TMEM232: variants seen among roughly 807,000 people sequenced by gnomAD.
TMEM232 encodes the protein transmembrane protein 232.
Under a neutral mutation model 78.8 loss-of-function variants are expected in TMEM232, and 80 were observed. That is an observed-to-expected ratio of 1.01 (90% CI 0.85 to 1.22). TMEM232 has a LOEUF of 1.22. Among genes scored for constraint, TMEM232 ranks in the 50% most tolerant of loss-of-function variants. TMEM232 has a pLI of 0.00. For missense variants in TMEM232, 881 were observed against 742.2 expected, an observed-to-expected ratio of 1.19 and a Z score of -2.17; for synonymous variants, 297 against 254.3, an observed-to-expected ratio of 1.17 and a Z score of -1.60.
intron 10 of TMEM232, among the ~76,000 whole-genome samples, chr5:110,596,615 G>A (rs1478842507): frequency 1.1e-4 from 16 of 152,052 alleles, no homozygotes; most frequent in African/African-American, 2.2e-4. Context: ...AAAATCCTCA[G>A]TAAAATACTG....
chr5:110,712,373 T>C (rs139641534), intron 1 of TMEM232, among the ~76,000 whole-genome samples: 1,841 of 151,980 alleles, frequency 0.012, 44 homozygotes, highest in African/African-American at 0.042. Context: ...CCAGAATATA[T>C]ATGGAGCTCA....
At chr5:110,660,552 A>C (rs1290199998) in intron 2 of TMEM232, among the ~76,000 whole-genome samples, 1 of 152,196 alleles carries the variant, frequency 6.6e-6, no homozygotes. Context: ...AACACTGATT[A>C]CTTAAAATGG....
At chr5:110,396,981 C>T (rs971677692) in intron 3 of TMEM232, among the ~76,000 whole-genome samples, 7 of 152,130 alleles carry the variant, frequency 4.6e-5, no homozygotes, top group Non-Finnish European at 1.0e-4. Context: ...AGGTTATCTA[C>T]TCAGACAACT....
intron 1 of TMEM232, among the ~76,000 whole-genome samples, chr5:110,685,661 T>C (rs540997557): frequency 9.2e-5 from 14 of 152,210 alleles, no homozygotes; most frequent in South Asian, 4.1e-4. Flanking sequence ...CCCAAAGCAA[T>C]GAAAACACTG....
chr5:110,416,961 T>G (rs1756239268), downstream of TMEM232, among the ~76,000 whole-genome samples: 2 of 152,230 alleles, frequency 1.3e-5, no homozygotes, highest in Admixed American at 1.3e-4. Flanking sequence ...ATGTTCATGC[T>G]TCTGTTACTC....
Position 110,420,348 on chromosome 5 carries a change from T to C in TMEM232, c.*232A>G, listed in dbSNP as rs1005848832. ...ATACTAGATGTAGTCTTGGAAATTT[T>C]TGACTAGTGAAATCACTTCATTCAA... On this transcript the variant is annotated 3_prime_UTR_variant, in exon 14 of 14. Transcript: ENST00000455884. 2.3e-5 allele frequency: 8 copies of C among 343,002 alleles called. No individual in the cohort carries two copies. The highest frequency in any genetic ancestry group is 3.6e-5 in the Non-Finnish European group (7 of 193,086). The allele number at this position is 343,002 out of a possible 1,614,324, so 21.2% of individuals were successfully genotyped here. A position where few individuals can be genotyped will look rare whatever the true frequency, so the allele number is the denominator to read the frequency against.
At chr5:110,483,150 GATA>G (rs1345634726) in intron 12 of TMEM232, among the ~76,000 whole-genome samples, 2 of 152,048 alleles carry the variant, frequency 1.3e-5, no homozygotes, top group Non-Finnish European at 2.9e-5. Context: ...AAATTTACAT[GATA>G]ATAACAGCAC....
chr5:110,587,689 ATATGTGTGTGTG>A (rs1458893225), intron 10 of TMEM232, among the ~76,000 whole-genome samples: 654 of 53,138 alleles, frequency 0.012, 1 homozygote, highest in African/African-American at 0.042. Context: ...ATATATATAT[ATATGTGTGTGTG>A]TGTGTGTGTG....
intron 4 of TMEM232, among the ~76,000 whole-genome samples, chr5:110,388,656 C>A (rs1580535707): frequency 6.6e-6 from 1 of 152,298 alleles, no homozygotes; most frequent in East Asian, 1.9e-4. Context: ...CAGGAAGCTT[C>A]TTTATTTCCC....
intron 12 of TMEM232, among the ~76,000 whole-genome samples, chr5:110,480,630 T>C (rs1225189781): frequency 5.3e-5 from 8 of 152,096 alleles, no homozygotes; most frequent in Non-Finnish European, 1.2e-4. Flanking sequence ...TGTTGGGAAC[T>C]GTGTGTTTGA....
intron 4 of TMEM232, among the ~76,000 whole-genome samples, chr5:110,388,874 A>T (rs1404409734): frequency 6.6e-6 from 1 of 152,170 alleles, no homozygotes. Flanking sequence ...TATTTTAAGG[A>T]TGACAGTCAT....
chr5:110,552,383 A>C (rs1289573064), intron 11 of TMEM232, among the ~76,000 whole-genome samples: 1 of 152,090 alleles, frequency 6.6e-6, no homozygotes, highest in Non-Finnish European at 1.5e-5. Context: ...GGTTGGTTAA[A>C]TAATAAGACG....
chr5:110,675,762 C>G (rs1037185948), intron 1 of TMEM232, among the ~76,000 whole-genome samples: 1 of 152,142 alleles, frequency 6.6e-6, no homozygotes, highest in Non-Finnish European at 1.5e-5. Flanking sequence ...ATCTCCATTA[C>G]TTCAGTTATC....
chr5:110,683,324 T>A (rs1439952555), intron 1 of TMEM232, among the ~76,000 whole-genome samples: 2 of 151,934 alleles, frequency 1.3e-5, no homozygotes, highest in East Asian at 3.9e-4. Flanking sequence ...AAAGTACTGA[T>A]TCACAATTAC....
At chr5:110,427,681 T>G (rs757114770) in intron 12 of TMEM232, among the ~76,000 whole-genome samples, 1 of 151,842 alleles carries the variant, frequency 6.6e-6, no homozygotes, top group African/African-American at 2.4e-5. Flanking sequence ...GGGGAAAAAT[T>G]TATTCCTTGC....
At position 110,462,542 on chromosome 5, in the gene TMEM232, G is replaced by A. The variant is rs958540696; in HGVS notation, c.1704-37626C>T. On this transcript the variant is annotated intron_variant, in intron 12 of 13. Coordinates refer to ENST00000455884, the MANE Select transcript of TMEM232 (RefSeq NM_001039763.4). ...CCCGTGCTGGATGCTTCCTGCCCTC[G>A]AACATCAGACTCCAAGTTCTTCAAC... Among the ~76,000 whole-genome samples the A allele has an allele frequency of 2.0e-5, 3 of 152,192 alleles. No individual in the cohort carries two copies. The East Asian group carries it at 5.8e-4, about 29-fold the overall frequency.
chr5:110,686,357 G>A (rs1177799194), intron 1 of TMEM232, among the ~76,000 whole-genome samples: 2 of 151,960 alleles, frequency 1.3e-5, no homozygotes, highest in Non-Finnish European at 2.9e-5. Flanking sequence ...ATGTATAGAG[G>A]ATCAGGTTTA....
chr5:110,604,740 T>C (rs1226517029), intron 10 of TMEM232, among the ~76,000 whole-genome samples: 1 of 152,066 alleles, frequency 6.6e-6, no homozygotes, highest in African/African-American at 2.4e-5. Flanking sequence ...GGTGGATCAC[T>C]TGAGGTCAGG....
At chr5:110,597,761 G>T (rs1470920050) in intron 10 of TMEM232, among the ~76,000 whole-genome samples, 1 of 151,948 alleles carries the variant, frequency 6.6e-6, no homozygotes, top group African/African-American at 2.4e-5. Flanking sequence ...CAAGCAATGG[G>T]GAAAGGATTC....
Sources: allele counts gnomAD v4.1 joint callset (sites outside exome capture counted in the v4.1 genomes callset), GRCh38; gene constraint gnomAD v4.1.1; transcripts MANE v1.5; gene names NCBI Gene and HGNC (gene_info 2026-07-23, HGNC 2026-07-21).